Variants in MAD2L1 observed in about 807,000 individuals in gnomAD.
The protein encoded by MAD2L1 is mitotic arrest deficient 2 like 1.
In MAD2L1, 10 loss-of-function variants were observed where a neutral mutation model predicts 25.9. The observed-to-expected ratio is 0.39, with a 90% CI of 0.24 to 0.66. The LOEUF (loss-of-function observed/expected upper bound fraction) is 0.66, where lower values mean the gene tolerates loss of function less well. Among genes scored for constraint, MAD2L1 ranks in the 30% least tolerant of loss-of-function variants. The probability of loss-of-function intolerance (pLI) is 0.49; values close to 1 mark genes in which losing one functional copy is unlikely to be tolerated. For missense variants in MAD2L1, 180 were observed against 246.4 expected (o/e 0.73, Z 1.80); for synonymous variants, 81 against 91.8 (o/e 0.88, Z 0.67).
At chr4:120,066,611 A>G in intron 1 of MAD2L1, 51 bp downstream of exon 1, 1 of 1,520,776 alleles carries the variant, frequency 6.6e-7, no homozygotes, top group Middle Eastern at 1.7e-4. Context: ...GGGCCTACTG[A>G]GCCGTCACGA....
chr4:120,063,769 T>C (rs749160617), intron 2 of MAD2L1, among the ~76,000 whole-genome samples: 2 of 152,132 alleles, frequency 1.3e-5, no homozygotes, highest in Non-Finnish European at 2.9e-5. Flanking sequence ...CCCAGCACTT[T>C]GGGAGGCAGA....
In MAD2L1 at chr4:120,058,180, TTATA is replaced by T. The variant is rs1292068607; in HGVS notation, c.*1934_*1937del. ...CCCAAAATGTGTATTTCTTAATTGA[TTATA>T]TAATCTGTAAGGGGTAAAATGACTC... On this transcript the variant is annotated 3_prime_UTR_variant, in exon 5 of 5. Transcript: ENST00000296509. 3 of 152,122 alleles carry T rather than the reference TTATA, an allele frequency of 2.0e-5. No homozygotes were observed. Among genetic ancestry groups the T allele is most frequent in the African/African-American group, 7.2e-5 (3 of 41,434 alleles). 9.4% of individuals were successfully genotyped at this position (152,122 alleles called of 1,614,324 possible). A position where few individuals can be genotyped will look rare whatever the true frequency, so the allele number is the denominator to read the frequency against.
chr4:120,060,988 A>G lies in MAD2L1; in HGVS notation c.342-11T>C. 6.6e-7 allele frequency: 1 copy of G among 1,525,568 alleles called. No homozygotes were observed. Among genetic ancestry groups the G allele is most frequent in the Non-Finnish European group, 9.1e-7 (1 of 1,102,108 alleles). The allele number at this position is 1,525,568 out of a possible 1,614,324, so 94.5% of individuals were successfully genotyped here. A position where few individuals can be genotyped will look rare whatever the true frequency, so the allele number is the denominator to read the frequency against. On this transcript the variant is annotated splice_polypyrimidine_tract_variant and intron_variant, in intron 3 of 4. Transcript: ENST00000296509. The stretch of plus-strand genomic sequence containing the variant: ...TTTTCTCTGGGTGCACTGTCAAAAA[A>G]AAATCAAATCAATTAATTCATTTCA...
chr4:120,064,351 C>T (rs1281261072), intron 2 of MAD2L1, among the ~76,000 whole-genome samples: 2 of 152,156 alleles, frequency 1.3e-5, no homozygotes, highest in East Asian at 3.9e-4. Context: ...GGTCTATTCC[C>T]ACACCAAAAG....
chr4:120,063,114 T>C (rs1437032514), intron 2 of MAD2L1, among the ~76,000 whole-genome samples: 1 of 152,216 alleles, frequency 6.6e-6, no homozygotes, highest in African/African-American at 2.4e-5. Context: ...GTTTTTAGTA[T>C]ACTTGAGTGT....
intron 2 of MAD2L1, chr4:120,065,449 T>C (rs1253814811): frequency 6.9e-6 from 3 of 435,026 alleles, no homozygotes; most frequent in Admixed American, 3.8e-5. Context: ...ATGAAGACTA[T>C]TTTTTTAGCC....
chr4:120,063,290 G>C (rs781081492), intron 2 of MAD2L1, among the ~76,000 whole-genome samples: 28 of 152,148 alleles, frequency 1.8e-4, no homozygotes, highest in Non-Finnish European at 3.5e-4. Context: ...ACACAGAACG[G>C]GGGCTCAGAT....
intron 4 of MAD2L1, 84 bp downstream of exon 4, chr4:120,060,790 A>G: frequency 1.2e-6 from 1 of 804,198 alleles, no homozygotes; most frequent in Non-Finnish European, 2.0e-6. Context: ...AAATAAGACA[A>G]AATTTAATAA....
chr4:120,064,154 T>A (rs1726274024), intron 2 of MAD2L1, among the ~76,000 whole-genome samples: 1 of 152,212 alleles, frequency 6.6e-6, no homozygotes, highest in Non-Finnish European at 1.5e-5. Context: ...TAGGCAATGC[T>A]TGCTTCTCCA....
In MAD2L1 at chr4:120,065,783, T is replaced by C. The variant is rs1427107176; in HGVS notation, c.109A>G (p.Ile37Val). ...GINSILYQRG[I>V]YPSETFTRVQ... Reference sequence around the variant, plus strand: ...CGAGTAAAGGTTTCAGATGGATATATGCCACGCTGATATAAAATGCTGTTG... The same window carrying C: ...CGAGTAAAGGTTTCAGATGGATATACGCCACGCTGATATAAAATGCTGTTG... Residue 37 changes from isoleucine to valine, a missense_variant, in exon 2 of 5, where the codon ATA becomes GTA. Ile to Val is a conservative substitution (Grantham distance 29). Transcript: ENST00000296509. The C allele has an allele frequency of 6.2e-7, 1 of 1,613,920 alleles. No individual in the cohort carries two copies. Among genetic ancestry groups the C allele is most frequent in the Admixed American group, 1.7e-5 (1 of 59,974 alleles).
In MAD2L1 at chr4:120,059,347, C is replaced by A. The variant is rs1216161434; in HGVS notation, c.*771G>T. On this transcript the variant is annotated 3_prime_UTR_variant, in exon 5 of 5. Transcript: ENST00000296509. ...CTTAAGTTCTATAACTTCGTAGGAA[C>A]AAGAATTCATTAGCTATGCTGAATC... The A allele has an allele frequency of 6.6e-6, 1 of 152,172 alleles. No individual in the cohort carries two copies. The highest frequency in any genetic ancestry group is 1.5e-5 in the Non-Finnish European group (1 of 67,996). The allele number at this position is 152,172 out of a possible 1,614,324, so 9.4% of individuals were successfully genotyped here.
Position 120,058,090 on chromosome 4 carries a change from C to T in MAD2L1, c.*2028G>A, listed in dbSNP as rs1023116047. 7 of 152,102 alleles carry T rather than the reference C, an allele frequency of 4.6e-5. No individual in the cohort carries two copies. The highest frequency in any genetic ancestry group is 1.7e-4 in the African/African-American group (7 of 41,436). The allele number at this position is 152,102 out of a possible 1,614,324, so 9.4% of individuals were successfully genotyped here. A position where few individuals can be genotyped will look rare whatever the true frequency, so the allele number is the denominator to read the frequency against. ...GCCAGGCTGGTCTCAAACTCCTGATCTCGTGATCCACCTGCCTCGGCCTCC... is the reference window on the plus strand; with the variant it reads ...GCCAGGCTGGTCTCAAACTCCTGATTTCGTGATCCACCTGCCTCGGCCTCC... On this transcript the variant is annotated 3_prime_UTR_variant, in exon 5 of 5. Coordinates refer to ENST00000296509, the MANE Select transcript of MAD2L1 (RefSeq NM_002358.4).
intron 2 of MAD2L1, among the ~76,000 whole-genome samples, chr4:120,062,775 G>A (rs1726246627): frequency 6.6e-6 from 1 of 152,212 alleles, no homozygotes; most frequent in Admixed American, 6.5e-5. Context: ...AATTAGACTT[G>A]TATTTCAAAA....
rs4834834 is a variant in MAD2L1, at chr4:120,057,448, G to C, written c.*2670C>G. The C allele has an allele frequency of 0.64, 97,276 of 152,184 alleles. 31,365 individuals carry two copies. The highest frequency in any genetic ancestry group is 0.81 in the East Asian group (4,152 of 5,146). The allele number at this position is 152,184 out of a possible 1,614,324, so 9.4% of individuals were successfully genotyped here. On this transcript the variant is annotated 3_prime_UTR_variant, in exon 5 of 5. Transcript: ENST00000296509. ...CAAAAGCCAACCAATACATGAGACT[G>C]TTATACCTCTGCACAAGCATTCTCA... is the stretch of plus-strand genomic sequence containing the variant.
At chr4:120,065,541 T>A (rs1726300340) in intron 2 of MAD2L1, 131 bp downstream of exon 2, 2 of 719,012 alleles carry the variant, frequency 2.8e-6, no homozygotes, top group South Asian at 4.5e-5. Context: ...CCATTTTATA[T>A]ATTATTTTCT....
chr4:120,065,614 A>G, intron 2 of MAD2L1, 58 bp downstream of exon 2: 1 of 1,545,674 alleles, frequency 6.5e-7, no homozygotes, highest in Non-Finnish European at 8.9e-7. Flanking sequence ...CGGAAAAATG[A>G]CTGCTTAAGA....
At chr4:120,063,696 T>G (rs750808827) in intron 2 of MAD2L1, among the ~76,000 whole-genome samples, 4 of 152,038 alleles carry the variant, frequency 2.6e-5, no homozygotes, top group Admixed American at 6.6e-5. Context: ...TAGAGGAAAT[T>G]ACATTCAAAA....
chr4:120,062,167 A>C, intron 2 of MAD2L1, 72 bp from the exon 3 acceptor site: 1 of 1,449,304 alleles, frequency 6.9e-7, no homozygotes, highest in East Asian at 2.3e-5. Context: ...CTCGGGTCCC[A>C]CTCCCTATCC....
intron 2 of MAD2L1, among the ~76,000 whole-genome samples, chr4:120,064,767 A>G (rs139692187): frequency 6.6e-6 from 1 of 152,330 alleles, no homozygotes; most frequent in East Asian, 1.9e-4. Context: ...ACCAAGCTAA[A>G]AAAGTTCACA....
Sources: gnomAD v4.1 joint callset for allele counts (sites outside exome capture counted in the v4.1 genomes callset) on GRCh38, gnomAD v4.1.1 for gene constraint, MANE v1.5 for transcripts, NCBI Gene and HGNC (gene_info 2026-07-23, HGNC 2026-07-21) for gene names.